The following RORA variants were observed in gnomAD, a reference collection of about 807,000 sequenced individuals.
RORA encodes RAR related orphan receptor A.
Under a neutral mutation model 69.5 loss-of-function variants are expected in RORA, and 7 were observed. The observed-to-expected ratio is 0.10, with a 90% CI of 0.06 to 0.19. RORA has a LOEUF of 0.19. RORA is among the 10% of genes least tolerant of loss of function. The pLI is 1.00. For synonymous variants in RORA, 261 were observed against 240.8 expected, an observed-to-expected ratio of 1.08 and a Z score of -0.78; for missense variants, 457 against 663.0, an observed-to-expected ratio of 0.69 and a Z score of 3.41.
chr15:60,536,932 T>C (rs1204400456), intron 2 of RORA, among the ~76,000 whole-genome samples: 1 of 152,248 alleles, frequency 6.6e-6, no homozygotes, highest in Non-Finnish European at 1.5e-5. Context: ...TAGATATTTC[T>C]CTAATGTTTG....
intron 1 of RORA, among the ~76,000 whole-genome samples, chr15:61,136,811 C>T (rs1442146920): frequency 6.6e-6 from 1 of 152,128 alleles, no homozygotes; most frequent in Non-Finnish European, 1.5e-5. Context: ...CTCTACAGGA[C>T]ACCATCTCTT....
intron 2 of RORA, among the ~76,000 whole-genome samples, chr15:60,627,823 C>G (rs958935156): frequency 2.0e-5 from 3 of 152,136 alleles, no homozygotes; most frequent in African/African-American, 7.2e-5. Context: ...GATAATCATG[C>G]CTTCATATGG....
intron 1 of RORA, among the ~76,000 whole-genome samples, chr15:61,216,157 G>A (rs927750105): frequency 2.6e-5 from 4 of 152,048 alleles, no homozygotes; most frequent in Non-Finnish European, 5.9e-5. Context: ...AGCCAAAATC[G>A]ATAAAAGACC....
intron 1 of RORA, among the ~76,000 whole-genome samples, chr15:60,799,815 C>A (rs2072554107): frequency 6.6e-6 from 1 of 152,186 alleles, no homozygotes; most frequent in Non-Finnish European, 1.5e-5. Context: ...CAGGAAGAGA[C>A]AAATGGCTGA....
chr15:61,073,062 A>G (rs1424654692), intron 1 of RORA, among the ~76,000 whole-genome samples: 4 of 152,210 alleles, frequency 2.6e-5, no homozygotes, highest in South Asian at 2.1e-4. Context: ...GCCACCATCA[A>G]TTGCATCTTT....
At chr15:60,793,053 A>G (rs1000541294) in intron 1 of RORA, among the ~76,000 whole-genome samples, 1 of 151,680 alleles carries the variant, frequency 6.6e-6, no homozygotes, top group African/African-American at 2.4e-5. Flanking sequence ...AAAAAAAAAG[A>G]GAAAGAAAAC....
chr15:60,625,847 C>G (rs58113229), intron 2 of RORA, among the ~76,000 whole-genome samples: 1 of 152,072 alleles, frequency 6.6e-6, no homozygotes, highest in Non-Finnish European at 1.5e-5. Flanking sequence ...ACTTTACATC[C>G]TTTCGTACCT....
intron 1 of RORA, among the ~76,000 whole-genome samples, chr15:61,075,832 G>A (rs2078440920): frequency 6.6e-6 from 1 of 152,166 alleles, no homozygotes; most frequent in African/African-American, 2.4e-5. Flanking sequence ...ACGCAGTGGA[G>A]AAGCAAGCAG....
intron 6 of RORA, among the ~76,000 whole-genome samples, chr15:60,504,184 T>G (rs188484213): frequency 6.6e-6 from 1 of 152,344 alleles, no homozygotes; most frequent in African/African-American, 2.4e-5. Context: ...GAGAATCAAC[T>G]GAATTTATTG....
chr15:60,672,410 C>G (rs1415506782), intron 2 of RORA, among the ~76,000 whole-genome samples: 1 of 152,148 alleles, frequency 6.6e-6, no homozygotes, highest in Non-Finnish European at 1.5e-5. Context: ...TTGTAGGACC[C>G]TGGACCTCGG....
Position 60,491,905 on chromosome 15 carries a change from A to G in RORA, c.*5550T>C, listed in dbSNP as rs999237050. Reference sequence around the variant, plus strand: ...CATAGACTCTTACCAATAGATCAAGATTTACTGTTGCAATTGCGTTTCTGG... The same window carrying G: ...CATAGACTCTTACCAATAGATCAAGGTTTACTGTTGCAATTGCGTTTCTGG... On this transcript the variant is annotated 3_prime_UTR_variant, in exon 11 of 11. Coordinates refer to ENST00000335670, the MANE Select transcript of RORA (RefSeq NM_134261.3). 1 of 152,122 alleles carries G rather than the reference A, an allele frequency of 6.6e-6. No homozygotes were observed. The highest frequency in any genetic ancestry group is 1.5e-5 in the Non-Finnish European group (1 of 68,010). 9.4% of individuals were successfully genotyped at this position (152,122 alleles called of 1,614,324 possible).
At chr15:60,957,271 T>C (rs1389310068) in intron 1 of RORA, among the ~76,000 whole-genome samples, 2 of 152,258 alleles carry the variant, frequency 1.3e-5, no homozygotes, top group East Asian at 1.9e-4. Flanking sequence ...GCTTTAAAAA[T>C]GTGAATTCAG....
intron 2 of RORA, among the ~76,000 whole-genome samples, chr15:60,649,210 T>C (rs1207408161): frequency 6.6e-6 from 1 of 151,390 alleles, no homozygotes; most frequent in Non-Finnish European, 1.5e-5. Flanking sequence ...AGGACTTAAG[T>C]GTCACTAAGT....
At chr15:61,224,440 G>A (rs2080127907) in intron 1 of RORA, among the ~76,000 whole-genome samples, 1 of 152,208 alleles carries the variant, frequency 6.6e-6, no homozygotes, top group South Asian at 2.1e-4. Flanking sequence ...AAGCTAAGAA[G>A]CTCAATTCAT....
intron 1 of RORA, among the ~76,000 whole-genome samples, chr15:60,747,312 T>G (rs2071662929): frequency 6.6e-6 from 1 of 152,176 alleles, no homozygotes; most frequent in African/African-American, 2.4e-5. Context: ...TCAATGCTTC[T>G]TATCCACCAG....
chr15:60,662,617 C>T (rs1449074606), intron 2 of RORA, among the ~76,000 whole-genome samples: 2 of 149,432 alleles, frequency 1.3e-5, no homozygotes, highest in Non-Finnish European at 3.0e-5. Flanking sequence ...GACCAGAAAT[C>T]CTAACGAAGA....
chr15:60,947,267 G>C (rs1024101992), intron 1 of RORA, among the ~76,000 whole-genome samples: 2 of 152,244 alleles, frequency 1.3e-5, no homozygotes, highest in African/African-American at 4.8e-5. Flanking sequence ...GAAATGTGGG[G>C]AAAAGATAGA....
intron 2 of RORA, among the ~76,000 whole-genome samples, chr15:60,656,179 G>T (rs955229846): frequency 1.3e-5 from 2 of 152,178 alleles, no homozygotes; most frequent in Non-Finnish European, 2.9e-5. Context: ...GGGAGACCAC[G>T]CAGTCCTGCT....
intron 1 of RORA, among the ~76,000 whole-genome samples, chr15:60,851,894 G>A (rs2073328933): frequency 6.6e-6 from 1 of 152,130 alleles, no homozygotes; most frequent in Admixed American, 6.5e-5. Flanking sequence ...TTCTGAGGAA[G>A]TAGGAAGTGT....
Sources: gnomAD v4.1 joint callset for allele counts (sites outside exome capture counted in the v4.1 genomes callset) on GRCh38, gnomAD v4.1.1 for gene constraint, MANE v1.5 for transcripts, NCBI Gene and HGNC (gene_info 2026-07-23, HGNC 2026-07-21) for gene names.